STK32B: variants seen among roughly 807,000 people sequenced by gnomAD.
STK32B encodes serine/threonine kinase 32B.
Under a neutral mutation model 52.6 loss-of-function variants are expected in STK32B, and 43 were observed. The ratio of observed to expected loss-of-function variants is 0.82; its 90% CI spans 0.64 to 1.05. STK32B has a LOEUF of 1.05. Ranked by LOEUF, STK32B falls within the 50% of genes least tolerant of loss-of-function variation. STK32B has a pLI of 0.00. For synonymous variants in STK32B, 238 were observed against 204.3 expected, an observed-to-expected ratio of 1.17 and a Z score of -1.41; for missense variants, 621 against 534.6, an observed-to-expected ratio of 1.16 and a Z score of -1.59.
At chr4:5,253,940 C>A (rs1726124280) in intron 3 of STK32B, among the ~76,000 whole-genome samples, 1 of 152,066 alleles carries the variant, frequency 6.6e-6, no homozygotes, top group South Asian at 2.1e-4. Flanking sequence ...ATTATAGCCA[C>A]CGTGCGTGGC....
intron 3 of STK32B, among the ~76,000 whole-genome samples, chr4:5,224,011 G>A (rs1230311369): frequency 6.6e-6 from 1 of 152,014 alleles, no homozygotes; most frequent in Non-Finnish European, 1.5e-5. Flanking sequence ...GATTTCACAG[G>A]CTCACAGCCA....
chr4:5,189,615 C>T (rs1002274275), intron 3 of STK32B, among the ~76,000 whole-genome samples: 24 of 152,164 alleles, frequency 1.6e-4, no homozygotes, highest in African/African-American at 4.8e-4. Context: ...CTGCTTTAAA[C>T]ATCTGTGTGC....
intron 3 of STK32B, among the ~76,000 whole-genome samples, chr4:5,305,249 T>C (rs1052372567): frequency 1.3e-5 from 2 of 149,792 alleles, no homozygotes; most frequent in Non-Finnish European, 3.0e-5. Context: ...TTTGGAATAG[T>C]GTCTCAGTAG....
chr4:5,394,551 C>T lies in STK32B; in HGVS notation c.435-3656C>T, dbSNP rs1736765048. ...CCACGCTGCTTTGCAGGCATCTGCC[C>T]AGCAGTCTCCTGTGAAAGAGACCTA... On this transcript the variant is annotated intron_variant, in intron 4 of 11. Transcript: ENST00000282908. This position sits in a 1 kb window ranked among gnomAD's most constrained non-coding sequence, Gnocchi z 4.2. 6.6e-6 allele frequency among the ~76,000 whole-genome samples: 1 copy of T among 152,218 alleles called. No homozygotes were observed. The highest frequency in any genetic ancestry group is 1.5e-5 in the Non-Finnish European group (1 of 68,038).
chr4:5,457,393 T>G (rs1034633521), intron 8 of STK32B, among the ~76,000 whole-genome samples: 2 of 151,070 alleles, frequency 1.3e-5, no homozygotes, highest in African/African-American at 2.4e-5. Flanking sequence ...TTTTTTGTAT[T>G]TTTAGTAGAG....
chr4:5,175,567 C>G (rs1000499106), intron 3 of STK32B, among the ~76,000 whole-genome samples: 3 of 152,348 alleles, frequency 2.0e-5, no homozygotes, highest in Admixed American at 2.0e-4. Flanking sequence ...TGGAGGTCCA[C>G]TCCAGACCCC....
At chr4:5,228,162 A>G (rs904369994) in intron 3 of STK32B, among the ~76,000 whole-genome samples, 1 of 152,212 alleles carries the variant, frequency 6.6e-6, no homozygotes, top group African/African-American at 2.4e-5. Flanking sequence ...AGATATTCAC[A>G]TAAAAGGTCA....
At chr4:5,141,187 C>G (rs1400357321) in intron 2 of STK32B, among the ~76,000 whole-genome samples, 1 of 152,352 alleles carries the variant, frequency 6.6e-6, no homozygotes, top group Non-Finnish European at 1.5e-5. Flanking sequence ...CCAGTGGCTA[C>G]TGTATTGGAA....
intron 1 of STK32B, among the ~76,000 whole-genome samples, chr4:5,092,438 C>T (rs28863819): frequency 0.04 from 6,004 of 151,008 alleles, 389 homozygotes; most frequent in African/African-American, 0.14. Flanking sequence ...AGGCTGAGGC[C>T]GGAGAATGGT....
intron 5 of STK32B, among the ~76,000 whole-genome samples, chr4:5,413,151 T>C (rs1264551074): frequency 6.6e-6 from 1 of 152,138 alleles, no homozygotes; most frequent in Admixed American, 6.5e-5. Context: ...TTAAGCCCTA[T>C]AACTACCCCA....
intron 1 of STK32B, among the ~76,000 whole-genome samples, chr4:5,088,152 T>A (rs561643310): frequency 2.2e-4 from 33 of 152,188 alleles, no homozygotes; most frequent in Admixed American, 1.7e-3. Context: ...GCTGGAAGAT[T>A]CACCAATATG....
rs1326717653 is a variant in STK32B at position 5,051,503 on chromosome 4, G to C, written c.-361G>C. On this transcript the variant is annotated 5_prime_UTR_variant, in exon 1 of 12. Coordinates refer to ENST00000282908, the MANE Select transcript of STK32B (RefSeq NM_018401.3). ...TCCTTCCCCTCCTTCCCCTGCTCCC[G>C]CGCCGCCTCGCGTCTCCCGCCCGCT... 3.4e-6 allele frequency: 1 copy of C among 292,886 alleles called. No homozygotes were observed. Among genetic ancestry groups the C allele is most frequent in the Non-Finnish European group, 6.3e-6 (1 of 159,890 alleles). The allele number at this position is 292,886 out of a possible 1,614,324, so 18.1% of individuals were successfully genotyped here. A position where few individuals can be genotyped will look rare whatever the true frequency, so the allele number is the denominator to read the frequency against.
chr4:5,240,018 C>G (rs779652518), intron 3 of STK32B, among the ~76,000 whole-genome samples: 4 of 151,914 alleles, frequency 2.6e-5, no homozygotes, highest in Non-Finnish European at 4.4e-5. Context: ...CCATCTCTCT[C>G]TCCCTTTTTT....
chr4:5,398,155 T>C lies in STK32B; in HGVS notation c.435-52T>C. 6.2e-7 allele frequency: 1 copy of C among 1,607,870 alleles called. No individual in the cohort carries two copies. The highest frequency in any genetic ancestry group is 8.5e-7 in the Non-Finnish European group (1 of 1,176,154). On this transcript the variant is annotated intron_variant, in intron 4 of 11. Transcript: ENST00000282908. The surrounding 1 kb of genome is among the most constrained non-coding windows in gnomAD (Gnocchi z 4.9). ...CCTGATGTGGTGCTTGTCTATGTGCTCATCTGTGGGCTCAGGAACCACATT... is the reference window on the plus strand; with the variant it reads ...CCTGATGTGGTGCTTGTCTATGTGCCCATCTGTGGGCTCAGGAACCACATT...
intron 4 of STK32B, among the ~76,000 whole-genome samples, chr4:5,381,140 G>A (rs1359935939): frequency 1.3e-5 from 2 of 152,204 alleles, no homozygotes; most frequent in African/African-American, 4.8e-5. Flanking sequence ...CTGGCACACA[G>A]TAAGCTGTGA....
At chr4:5,383,911 C>G (rs2109026580) in intron 4 of STK32B, among the ~76,000 whole-genome samples, 1 of 152,228 alleles carries the variant, frequency 6.6e-6, no homozygotes, top group Admixed American at 6.5e-5. Flanking sequence ...GGGAGAGAGA[C>G]ACAACACGTG....
chr4:5,416,917 G>T lies in STK32B; in HGVS notation c.545G>T (p.Gly182Val). The T allele has an allele frequency of 6.2e-7, 1 of 1,613,160 alleles. No individual in the cohort carries two copies. The highest frequency in any genetic ancestry group is 2.2e-5 in the East Asian group (1 of 44,852). ...KGAERASSMA[G>V]TKPYMAPEVF... ...GCAGAAAGGGCTTCCTCCATGGCTG[G>T]CACCAAGCCCTACATGGGTGAGTGT... Residue 182 changes from glycine (G) to valine (V), a missense_variant, in exon 6 of 12, where the codon GGC (glycine) becomes GTC (valine). Gly to Val is a moderately radical substitution (Grantham distance 109, BLOSUM62 -3). Transcript: ENST00000282908.
In STK32B at chr4:5,058,608, G is replaced by A. The variant is rs568037636; in HGVS notation, c.52+6693G>A. ...TTTGAGACAGGGTCTCTGGCGCCCA[G>A]CTGGAGTGCAGTGGTGTGATTGTGA... On this transcript the variant is annotated intron_variant, in intron 1 of 11. Coordinates refer to ENST00000282908, the MANE Select transcript of STK32B (RefSeq NM_018401.3). This position sits in a 1 kb window ranked among gnomAD's most constrained non-coding sequence, Gnocchi z 4.8. 1.1e-4 allele frequency among the ~76,000 whole-genome samples: 17 copies of A among 152,218 alleles called. 1 individual carries two copies. In the South Asian group the frequency reaches 3.5e-3, roughly 32 times the overall value.
chr4:5,290,174 C>T (rs1373158257), intron 3 of STK32B, among the ~76,000 whole-genome samples: 1 of 152,176 alleles, frequency 6.6e-6, no homozygotes, highest in Non-Finnish European at 1.5e-5. Context: ...GGACGCCCAT[C>T]TTCCAAGGCT....
Sources: allele counts gnomAD v4.1 joint callset (sites outside exome capture counted in the v4.1 genomes callset), GRCh38; gene constraint gnomAD v4.1.1; non-coding constraint Gnocchi (gnomAD v3.1); transcripts MANE v1.5; gene names NCBI Gene and HGNC (gene_info 2026-07-23, HGNC 2026-07-21).